Variants in PDE12 observed in about 807,000 individuals in gnomAD.
PDE12 encodes phosphodiesterase 12.
Under a neutral mutation model 45.4 loss-of-function variants are expected in PDE12, and 26 were observed. That is an observed-to-expected ratio of 0.57 (90% CI 0.42 to 0.79). The LOEUF (loss-of-function observed/expected upper bound fraction) is 0.79. Among genes scored for constraint, PDE12 ranks in the 30% least tolerant of loss-of-function variants. PDE12 has a pLI of 0.00. For missense variants in PDE12, 668 were observed against 790.0 expected (o/e 0.85, Z 1.85); for synonymous variants, 283 against 323.9 (o/e 0.87, Z 1.36).
At chr3:57,606,983 C>T in the PDE12 span, among the ~76,000 whole-genome samples, 11 of 152,156 alleles carry the variant, frequency 7.2e-5, no homozygotes, top group African/African-American at 2.2e-4. Context: ...TAGCCTAACT[C>T]GGAGGCATCC....
At chr3:57,617,978 C>T in the PDE12 span, among the ~76,000 whole-genome samples, 10 of 152,042 alleles carry the variant, frequency 6.6e-5, no homozygotes, top group South Asian at 2.1e-4. Context: ...TCGAGTCCTT[C>T]GCAACAAAGT....
chr3:57,592,549 T>C, the PDE12 span, among the ~76,000 whole-genome samples: 2 of 151,952 alleles, frequency 1.3e-5, no homozygotes, highest in East Asian at 3.8e-4. Flanking sequence ...AGGCCACCAG[T>C]TATACGGAAA....
chr3:57,620,278 A>C, the PDE12 span, among the ~76,000 whole-genome samples: 1 of 151,816 alleles, frequency 6.6e-6, no homozygotes, highest in Admixed American at 6.6e-5. Context: ...GAGCCGGACA[A>C]AGTGGTACAT....
At chr3:57,616,973 A>G in the PDE12 span, among the ~76,000 whole-genome samples, 3 of 152,150 alleles carry the variant, frequency 2.0e-5, no homozygotes, top group Non-Finnish European at 2.9e-5. Context: ...GCAGTGAGTC[A>G]AGATCACATC....
the PDE12 span, among the ~76,000 whole-genome samples, chr3:57,651,792 T>C: frequency 2.6e-5 from 4 of 152,182 alleles, no homozygotes; most frequent in East Asian, 7.7e-4. Flanking sequence ...CACCCTGTAC[T>C]AAGTTCTCAC....
the PDE12 span, chr3:57,628,983 G>A: frequency 4.8e-6 from 5 of 1,035,198 alleles, no homozygotes; most frequent in South Asian, 6.5e-5. Flanking sequence ...AGACAAGAAG[G>A]AAAAGGAGAA....
the PDE12 span, among the ~76,000 whole-genome samples, chr3:57,652,955 C>A: frequency 6.6e-6 from 1 of 152,158 alleles, no homozygotes; most frequent in African/African-American, 2.4e-5. Flanking sequence ...ATTATTGTAA[C>A]AACTGGTAAC....
the PDE12 span, among the ~76,000 whole-genome samples, chr3:57,618,607 G>GTTTTTT: frequency 0.12 from 9,675 of 78,926 alleles, 1,397 homozygotes; most frequent in South Asian, 0.23. Context: ...TTGCTTTTGT[G>GTTTTTT]TTTTTTTTTT....
the PDE12 span, among the ~76,000 whole-genome samples, chr3:57,635,496 T>C: frequency 6.6e-6 from 1 of 152,152 alleles, no homozygotes; most frequent in Non-Finnish European, 1.5e-5. Flanking sequence ...AAAGATTTTC[T>C]CCACCCTCCC....
chr3:57,596,293 G>A, the PDE12 span, among the ~76,000 whole-genome samples: 1 of 152,088 alleles, frequency 6.6e-6, no homozygotes, highest in African/African-American at 2.4e-5. Context: ...AAATTTATCA[G>A]GTATTTTTTA....
chr3:57,559,350 T>A lies in PDE12; in HGVS notation c.1349T>A (p.Ile450Lys). The A allele has an allele frequency of 6.2e-7, 1 of 1,613,184 alleles. No individual in the cohort carries two copies. The highest frequency in any genetic ancestry group is 8.5e-7 in the Non-Finnish European group (1 of 1,179,128). Reference sequence around the variant, plus strand: ...TCTACAAAGGACTCTTCTAAAAGGATATGTGTTGCTAATACCCATCTTTAC... The same window carrying A: ...TCTACAAAGGACTCTTCTAAAAGGAAATGTGTTGCTAATACCCATCTTTAC... ...LQSTKDSSKR[I>K]CVANTHLYWH... Residue 450 changes from isoleucine to lysine, a missense_variant, in exon 2 of 3, where the codon ATA becomes AAA. By Grantham distance (102) the Ile-to-Lys change is moderately radical. Coordinates refer to ENST00000311180, the MANE Select transcript of PDE12 (RefSeq NM_177966.7).
rs1441899591 is a variant in PDE12, at chr3:57,560,290, T to C, written c.*286T>C. On this transcript the variant is annotated 3_prime_UTR_variant, in exon 3 of 3. Coordinates refer to ENST00000311180, the MANE Select transcript of PDE12 (RefSeq NM_177966.7). ...AATTGAGACTCTCAGAAAAGGAAGATTGAATTAGCGTGTTTTTTGTTTGTT... is the reference window on the plus strand; with the variant it reads ...AATTGAGACTCTCAGAAAAGGAAGACTGAATTAGCGTGTTTTTTGTTTGTT... 3 of 1,174,282 alleles carry C rather than the reference T, an allele frequency of 2.6e-6. No individual in the cohort carries two copies. The highest frequency in any genetic ancestry group is 4.2e-5 in the Admixed American group (1 of 23,556). 72.7% of individuals were successfully genotyped at this position (1,174,282 alleles called of 1,614,324 possible).
chr3:57,631,693 T>G, the PDE12 span, among the ~76,000 whole-genome samples: 6 of 151,584 alleles, frequency 4.0e-5, no homozygotes, highest in Non-Finnish European at 7.4e-5. Context: ...AAATGAGGTC[T>G]ACTTGACTTT....
At chr3:57,609,771 C>G in the PDE12 span, among the ~76,000 whole-genome samples, 3 of 152,050 alleles carry the variant, frequency 2.0e-5, no homozygotes, top group Admixed American at 6.6e-5. Flanking sequence ...AAGTCCAGGA[C>G]CAGAGAGATT....
the PDE12 span, among the ~76,000 whole-genome samples, chr3:57,581,318 G>A: frequency 6.6e-6 from 1 of 152,074 alleles, no homozygotes; most frequent in Non-Finnish European, 1.5e-5. Flanking sequence ...GAACTCCCTA[G>A]GAAGCAGTAC....
the PDE12 span, among the ~76,000 whole-genome samples, chr3:57,592,154 C>T: frequency 6.6e-6 from 1 of 152,126 alleles, no homozygotes; most frequent in African/African-American, 2.4e-5. Flanking sequence ...TATTTACATG[C>T]TGCCATCCTG....
the PDE12 span, among the ~76,000 whole-genome samples, chr3:57,640,290 A>C: frequency 0.074 from 11,076 of 150,546 alleles, 1,386 homozygotes; most frequent in African/African-American, 0.26. Flanking sequence ...ACAAAAAAAA[A>C]CAAAAAACAA....
Position 57,557,020 on chromosome 3 carries a change from C to T in PDE12, c.641C>T (p.Ser214Leu), listed in dbSNP as rs1457775214. The T allele has an allele frequency of 6.2e-7, 1 of 1,614,132 alleles. No homozygotes were observed. The highest frequency in any genetic ancestry group is 1.7e-5 in the Admixed American group (1 of 60,022). The change falls in exon 1 of 3, where the codon TCG becomes TTG. Residue 214 changes from serine (S) to leucine (L), a missense_variant. This residue lies in a region of PDE12 where 580 missense variants were observed against 662.9 expected (regional missense o/e 0.87). Transcript: ENST00000311180. ...GAAEPEVGVPSSLSPSSPSSS... is the reference protein window; with the variant it reads ...GAAEPEVGVPLSLSPSSPSSS... ...GCGGAGCCCGAGGTCGGTGTCCCCT[C>T]GTCATTGTCTCCCTCCTCACCTTCT...
chr3:57,617,803 G>T, the PDE12 span, among the ~76,000 whole-genome samples: 3 of 151,916 alleles, frequency 2.0e-5, no homozygotes, highest in Non-Finnish European at 4.4e-5. Context: ...GGAGGTCAAG[G>T]CTGCAGTGAG....
Sources: allele counts gnomAD v4.1 joint callset (sites outside exome capture counted in the v4.1 genomes callset), GRCh38; gene constraint gnomAD v4.1.1; regional missense constraint gnomAD v4.1.1; transcripts MANE v1.5; gene names NCBI Gene and HGNC (gene_info 2026-07-23, HGNC 2026-07-21).